The following TRIQK variants were observed in gnomAD, a reference collection of about 807,000 sequenced individuals.
The protein encoded by TRIQK is triple QxxK/R motif-containing protein.
Under a neutral mutation model 10.8 loss-of-function variants are expected in TRIQK, and 10 were observed. That is an observed-to-expected ratio of 0.92 (90% confidence interval 0.57 to 1.57). TRIQK has a LOEUF of 1.57. TRIQK is among the 40% of genes most tolerant of loss of function. TRIQK has a pLI of 0.00. For synonymous variants in TRIQK, 33 were observed against 33.7 expected (o/e 0.98, Z 0.07); for missense variants, 107 against 97.7 (o/e 1.09, Z -0.40).
chr8:92,926,418 A>G (rs1380008242), intron 2 of TRIQK: 1 of 152,220 alleles, frequency 6.6e-6, no homozygotes, highest in Non-Finnish European at 1.5e-5. Context: ...TATAAAATAA[A>G]TACAAGGAAG....
At position 92,981,706 on chromosome 8, in the gene TRIQK, CTTAT is replaced by C. The variant is rs757566159; in HGVS notation, c.-180-27146_-180-27143del. 1.6e-4 allele frequency among the ~76,000 whole-genome samples: 24 copies of C among 151,844 alleles called. No individual in the cohort carries two copies. The South Asian group carries it at 2.1e-3, about 13-fold the overall frequency. ...GCTATACTTTTTAACAATTTACTGGCTTATTTGTTTTCATTTTTTTATTACTCCA... is the reference window on the plus strand; with the variant it reads ...GCTATACTTTTTAACAATTTACTGGCTTGTTTTCATTTTTTTATTACTCCA... On this transcript the variant is annotated intron_variant, in intron 1 of 4. Transcript: ENST00000520686.
chr8:93,016,944 G>A (rs1438815451), intron 1 of TRIQK, among the ~76,000 whole-genome samples: 1 of 152,102 alleles, frequency 6.6e-6, no homozygotes, highest in Non-Finnish European at 1.5e-5. Flanking sequence ...AAACAAACTA[G>A]CTATACACAT....
intron 1 of TRIQK, chr8:92,973,340 G>A (rs905468090): frequency 2.6e-5 from 4 of 152,132 alleles, no homozygotes; most frequent in Non-Finnish European, 4.4e-5. Flanking sequence ...AAATGAAGGT[G>A]AACAGTAGCA....
In TRIQK at chr8:92,886,321, A is replaced by T. The variant is rs1816473558; in HGVS notation, c.*301T>A. 5.6e-6 allele frequency: 1 copy of T among 180,026 alleles called. No homozygotes were observed. Among genetic ancestry groups the T allele is most frequent in the Non-Finnish European group, 1.2e-5 (1 of 86,574 alleles). The allele number at this position is 180,026 out of a possible 1,614,324, so 11.2% of individuals were successfully genotyped here. On this transcript the variant is annotated 3_prime_UTR_variant, in exon 5 of 5. Coordinates refer to ENST00000521988, the MANE Select transcript of TRIQK (RefSeq NM_001171797.2). ...CAGGAAGTGATGGAATTATACACAT[A>T]AATTGGCAATGACATTTGAAAAATT...
intron 1 of TRIQK, among the ~76,000 whole-genome samples, chr8:93,000,683 T>G (rs1204283846): frequency 6.6e-6 from 1 of 151,858 alleles, no homozygotes. Flanking sequence ...ATATAAATTG[T>G]GGGAAAAGGG....
intron 3 of TRIQK, among the ~76,000 whole-genome samples, chr8:92,915,989 C>A (rs1310689260): frequency 6.6e-6 from 1 of 151,740 alleles, no homozygotes; most frequent in Admixed American, 6.6e-5. Context: ...AATGTAACTT[C>A]TTTGTTTATC....
At chr8:92,980,634 G>A (rs140536680) in intron 1 of TRIQK, among the ~76,000 whole-genome samples, 40 of 152,060 alleles carry the variant, frequency 2.6e-4, no homozygotes, top group African/African-American at 9.6e-4. Flanking sequence ...AACAGACTTA[G>A]AAATGCATAC....
chr8:92,994,726 T>TGTAATATTATA (rs1207215485), intron 1 of TRIQK, among the ~76,000 whole-genome samples: 3 of 152,054 alleles, frequency 2.0e-5, no homozygotes, highest in Non-Finnish European at 4.4e-5. Flanking sequence ...TCAAACCAGA[T>TGTAATATTATA]ACCACCTCTG....
intron 1 of TRIQK, among the ~76,000 whole-genome samples, chr8:93,013,935 C>T (rs1363138813): frequency 6.6e-6 from 1 of 152,072 alleles, no homozygotes; most frequent in Non-Finnish European, 1.5e-5. Context: ...ATGAAAAATA[C>T]TTTGGCAGTG....
intron 1 of TRIQK, among the ~76,000 whole-genome samples, chr8:92,999,296 G>A (rs1034005204): frequency 1.6e-4 from 24 of 152,048 alleles, no homozygotes; most frequent in African/African-American, 5.5e-4. Flanking sequence ...GAATTCTTTT[G>A]TTTTTAATAT....
intron 3 of TRIQK, among the ~76,000 whole-genome samples, chr8:92,914,366 G>A (rs1809720934): frequency 6.6e-6 from 1 of 151,882 alleles, no homozygotes; most frequent in Non-Finnish European, 1.5e-5. Flanking sequence ...TGCAACTGAA[G>A]CAAAAACAAA....
chr8:92,953,243 G>A (rs1352429928), intron 2 of TRIQK, among the ~76,000 whole-genome samples: 1 of 151,906 alleles, frequency 6.6e-6, no homozygotes, highest in Non-Finnish European at 1.5e-5. Flanking sequence ...CTAGCTCATA[G>A]TAAGTAGTTA....
intron 3 of TRIQK, among the ~76,000 whole-genome samples, chr8:92,909,795 G>A (rs1300290076): frequency 6.6e-6 from 1 of 151,616 alleles, no homozygotes; most frequent in Admixed American, 6.6e-5. Context: ...TCAATCTTGA[G>A]TTTGCAATTA....
intron 1 of TRIQK, chr8:92,972,954 A>G (rs1193190293): frequency 6.6e-6 from 1 of 152,192 alleles, no homozygotes; most frequent in African/African-American, 2.4e-5. Flanking sequence ...CGTGTGCATG[A>G]GCAGAAGAGA....
chr8:92,993,079 A>G (rs985825953), intron 1 of TRIQK, among the ~76,000 whole-genome samples: 1 of 152,214 alleles, frequency 6.6e-6, no homozygotes, highest in Admixed American at 6.5e-5. Context: ...TAAGAGACCT[A>G]TTTGATTTTC....
chr8:92,906,872 G>C (rs576245677), intron 3 of TRIQK, among the ~76,000 whole-genome samples: 34 of 151,514 alleles, frequency 2.2e-4, no homozygotes, highest in African/African-American at 8.2e-4. Context: ...CAGCCTGGGA[G>C]ACAGAGCGAG....
intron 1 of TRIQK, among the ~76,000 whole-genome samples, chr8:92,964,681 A>C (rs1812645589): frequency 6.6e-6 from 1 of 151,902 alleles, no homozygotes; most frequent in South Asian, 2.1e-4. Context: ...CGTGTTTATA[A>C]ATTTGGATCA....
intron 1 of TRIQK, among the ~76,000 whole-genome samples, chr8:93,007,788 G>A (rs990431555): frequency 6.6e-6 from 1 of 152,182 alleles, no homozygotes; most frequent in African/African-American, 2.4e-5. Flanking sequence ...AGGGATTGAA[G>A]GCTATCTTGC....
intron 3 of TRIQK, among the ~76,000 whole-genome samples, chr8:92,907,828 G>T (rs1809360939): frequency 6.6e-6 from 1 of 151,870 alleles, no homozygotes; most frequent in Non-Finnish European, 1.5e-5. Context: ...ACACATTTAT[G>T]TACATACAAA....
Sources: gnomAD v4.1 joint callset for allele counts (sites outside exome capture counted in the v4.1 genomes callset) on GRCh38, gnomAD v4.1.1 for gene constraint, MANE v1.5 for transcripts, NCBI Gene and HGNC (gene_info 2026-07-23, HGNC 2026-07-21) for gene names.